Variants in PDCD1LG2 observed in about 807,000 individuals in gnomAD.
The protein encoded by PDCD1LG2 is programmed cell death 1 ligand 2.
PDCD1LG2 carries 32 observed loss-of-function variants against 28.2 expected under a neutral mutation model. That is an observed-to-expected ratio of 1.13 (90% CI 0.86 to 1.52). The LOEUF (loss-of-function observed/expected upper bound fraction) is 1.52. PDCD1LG2 is among the 40% of genes most tolerant of loss of function. The pLI, the probability that PDCD1LG2 is intolerant of heterozygous loss-of-function variation, is 0.00. For missense variants in PDCD1LG2, 385 were observed against 323.8 expected (o/e 1.19, Z -1.45); for synonymous variants, 116 against 120.2 (o/e 0.97, Z 0.23).
chr9:5,515,744 A>C (rs956279505), intron 1 of PDCD1LG2, among the ~76,000 whole-genome samples: 27 of 151,834 alleles, frequency 1.8e-4, no homozygotes, highest in Non-Finnish European at 2.6e-4. Flanking sequence ...CAAGATGGTG[A>C]AACTCCATCT....
At chr9:5,533,913 G>A (rs1329963629) in intron 2 of PDCD1LG2, among the ~76,000 whole-genome samples, 1 of 150,280 alleles carries the variant, frequency 6.7e-6, no homozygotes, top group East Asian at 1.9e-4. Context: ...CACAGTGCCT[G>A]GCATAGAACA....
At chr9:5,544,879 G>A (rs1820762176) in intron 3 of PDCD1LG2, among the ~76,000 whole-genome samples, 1 of 152,132 alleles carries the variant, frequency 6.6e-6, no homozygotes, top group African/African-American at 2.4e-5. Context: ...TTAAAACCCT[G>A]GATATTTGTG....
chr9:5,561,710 C>T (rs574640169), intron 5 of PDCD1LG2, among the ~76,000 whole-genome samples: 3 of 152,270 alleles, frequency 2.0e-5, no homozygotes, highest in Admixed American at 1.3e-4. Flanking sequence ...GTTTCTTAAA[C>T]TCTCTTGTGA....
At chr9:5,531,629 G>T (rs1820485822) in intron 2 of PDCD1LG2, among the ~76,000 whole-genome samples, 1 of 152,182 alleles carries the variant, frequency 6.6e-6, no homozygotes, top group Non-Finnish European at 1.5e-5. Context: ...GGGGAGTTCT[G>T]CTGTAAGCTA....
chr9:5,541,853 A>G (rs959936376), intron 3 of PDCD1LG2, among the ~76,000 whole-genome samples: 2 of 152,170 alleles, frequency 1.3e-5, no homozygotes, highest in African/African-American at 4.8e-5. Flanking sequence ...GGAACCAAAA[A>G]AGAGCCCACA....
chr9:5,543,715 C>G (rs1820738032), intron 3 of PDCD1LG2, among the ~76,000 whole-genome samples: 1 of 152,008 alleles, frequency 6.6e-6, no homozygotes, highest in African/African-American at 2.4e-5. Context: ...CTTTTTTTCC[C>G]TTGGGGAAAC....
chr9:5,528,255 T>A (rs1455032244), intron 2 of PDCD1LG2, among the ~76,000 whole-genome samples: 1 of 147,778 alleles, frequency 6.8e-6, no homozygotes, highest in African/African-American at 2.5e-5. Flanking sequence ...ATATACATAT[T>A]TTATATATTA....
At chr9:5,557,392 TC>T (rs1450015502) in intron 4 of PDCD1LG2, among the ~76,000 whole-genome samples, 1 of 152,192 alleles carries the variant, frequency 6.6e-6, no homozygotes, top group African/African-American at 2.4e-5. Flanking sequence ...TCTCTGTGCC[TC>T]CCTTTCTTCA....
chr9:5,562,200 A>T (rs1230071768), intron 5 of PDCD1LG2, among the ~76,000 whole-genome samples: 1 of 152,208 alleles, frequency 6.6e-6, no homozygotes, highest in Non-Finnish European at 1.5e-5. Flanking sequence ...GAAAAAAGTG[A>T]AAACCTATTC....
intron 5 of PDCD1LG2, among the ~76,000 whole-genome samples, chr9:5,560,734 A>T (rs903293714): frequency 2.6e-5 from 4 of 151,354 alleles, no homozygotes; most frequent in African/African-American, 9.8e-5. Context: ...AAGAAGCAGC[A>T]GGCTTGGTCC....
chr9:5,517,935 T>C (rs1168619922), intron 1 of PDCD1LG2, among the ~76,000 whole-genome samples: 2 of 152,016 alleles, frequency 1.3e-5, no homozygotes, highest in Non-Finnish European at 2.9e-5. Context: ...TCTGCTATGG[T>C]ATAAGAAGAA....
At chr9:5,558,213 G>A (rs964305739) in intron 5 of PDCD1LG2, among the ~76,000 whole-genome samples, 6 of 152,172 alleles carry the variant, frequency 3.9e-5, no homozygotes, top group Admixed American at 1.3e-4. Context: ...GTTGGGTAAG[G>A]AAAGGAGAAA....
At chr9:5,536,665 TG>T (rs976323014) in intron 3 of PDCD1LG2, among the ~76,000 whole-genome samples, 30 of 152,242 alleles carry the variant, frequency 2.0e-4, no homozygotes, top group African/African-American at 6.5e-4. Flanking sequence ...CTCTCATTCC[TG>T]GGGAGGCACC....
intron 2 of PDCD1LG2, among the ~76,000 whole-genome samples, chr9:5,527,028 T>C (rs1436352789): frequency 6.6e-6 from 1 of 152,190 alleles, no homozygotes; most frequent in East Asian, 1.9e-4. Context: ...AAATCATTAA[T>C]CATTAACTCT....
chr9:5,522,874 G>A (rs1820303692), intron 2 of PDCD1LG2, among the ~76,000 whole-genome samples: 1 of 152,112 alleles, frequency 6.6e-6, no homozygotes, highest in African/African-American at 2.4e-5. Context: ...GGATCACTCA[G>A]ACCATGTAAA....
At chr9:5,556,068 C>T (rs1816434703) in intron 4 of PDCD1LG2, among the ~76,000 whole-genome samples, 1 of 152,206 alleles carries the variant, frequency 6.6e-6, no homozygotes, top group South Asian at 2.1e-4. Context: ...AGAGAGGACT[C>T]AGAGGTAGTT....
rs2129873811 is a variant in PDCD1LG2, at chr9:5,549,343, A to G, written c.370A>G (p.Arg124Gly). The G allele has an allele frequency of 1.2e-6, 2 of 1,611,144 alleles. No homozygotes were observed. Among genetic ancestry groups the G allele is most frequent in the Non-Finnish European group, 1.7e-6 (2 of 1,177,476 alleles). The part of the protein sequence containing the change: ...YLTLKVKASY[R>G]KINTHILKVP... The stretch of plus-strand genomic sequence containing the variant: ...TCTTCTCTATTGTCCAGCTTCCTAC[A>G]GGAAAATAAACACTCACATCCTAAA... The change falls in exon 4 of 7, where the codon AGG (arginine) becomes GGG (glycine). Residue 124 changes from arginine to glycine, a missense_variant. By Grantham distance (125) the Arg-to-Gly change is moderately radical. Coordinates refer to ENST00000397747, the MANE Select transcript of PDCD1LG2 (RefSeq NM_025239.4).
chr9:5,540,341 C>A (rs1820664785), intron 3 of PDCD1LG2, among the ~76,000 whole-genome samples: 1 of 151,982 alleles, frequency 6.6e-6, no homozygotes, highest in Non-Finnish European at 1.5e-5. Flanking sequence ...GAAACAAGAA[C>A]AATCCAAACC....
intron 2 of PDCD1LG2, 139 bp downstream of exon 2, chr9:5,522,740 AC>A: frequency 9.0e-6 from 6 of 665,308 alleles, no homozygotes; most frequent in South Asian, 4.2e-5. Flanking sequence ...TCCAAGCACC[AC>A]AAAAAAAAAA....
Sources: allele counts gnomAD v4.1 joint callset (sites outside exome capture counted in the v4.1 genomes callset), GRCh38; gene constraint gnomAD v4.1.1; transcripts MANE v1.5; gene names NCBI Gene and HGNC (gene_info 2026-07-23, HGNC 2026-07-21).